COBL: variants seen among roughly 807,000 people sequenced by gnomAD.
The protein encoded by COBL is protein cordon-bleu.
Under a neutral mutation model 98.8 loss-of-function variants are expected in COBL, and 51 were observed. That is an observed-to-expected ratio of 0.52 (90% CI 0.41 to 0.65). The LOEUF (loss-of-function observed/expected upper bound fraction) is 0.65, where lower values mean the gene tolerates loss of function less well. COBL is among the 30% of genes least tolerant of loss of function. COBL has a pLI of 0.00. For synonymous variants in COBL, 634 were observed against 651.7 expected, an observed-to-expected ratio of 0.97 and a Z score of 0.41; for missense variants, 1,617 against 1,617.5, an observed-to-expected ratio of 1.00 and a Z score of 0.01.
chr7:51,305,907 G>A (rs1056340560), intron 1 of COBL, among the ~76,000 whole-genome samples: 4 of 152,118 alleles, frequency 2.6e-5, no homozygotes, highest in Non-Finnish European at 4.4e-5. Context: ...GTGGTGACAC[G>A]TGCCTGTAAT....
chr7:51,190,800 G>A (rs563381706), intron 4 of COBL, 50 bp downstream of exon 4: 44 of 1,459,862 alleles, frequency 3.0e-5, no homozygotes, highest in African/African-American at 1.4e-4. Flanking sequence ...TGTACACGCC[G>A]CGCATCCGTG....
intron 1 of COBL, among the ~76,000 whole-genome samples, chr7:51,246,361 G>GT (rs1796270481): frequency 6.6e-6 from 1 of 152,196 alleles, no homozygotes; most frequent in African/African-American, 2.4e-5. Flanking sequence ...AGTAAATGCT[G>GT]TTTGTTGTCA....
At chr7:51,233,148 T>G in intron 1 of COBL, among the ~76,000 whole-genome samples, 1 of 152,214 alleles carries the variant, frequency 6.6e-6, no homozygotes, top group Non-Finnish European at 1.5e-5. Flanking sequence ...ATCATGTATT[T>G]GGGGCATAAC....
At chr7:51,280,806 G>A (rs961629301) in intron 1 of COBL, among the ~76,000 whole-genome samples, 3 of 152,170 alleles carry the variant, frequency 2.0e-5, no homozygotes, top group African/African-American at 7.2e-5. Context: ...AGAAACATGA[G>A]AAGATCTGAA....
chr7:51,040,263 C>A (rs1789049487), intron 8 of COBL, among the ~76,000 whole-genome samples: 1 of 150,910 alleles, frequency 6.6e-6, no homozygotes, highest in Admixed American at 6.6e-5. Flanking sequence ...CCCCTCCCCT[C>A]AAAAACACAC....
intron 2 of COBL, among the ~76,000 whole-genome samples, chr7:51,196,242 T>C (rs1440134312): frequency 6.6e-6 from 1 of 152,214 alleles, no homozygotes; most frequent in East Asian, 1.9e-4. Context: ...CTCTTCTGCA[T>C]CTTTTGAAAT....
intron 1 of COBL, among the ~76,000 whole-genome samples, chr7:51,307,588 A>G (rs527692990): frequency 6.6e-6 from 1 of 152,368 alleles, no homozygotes; most frequent in Non-Finnish European, 1.5e-5. Flanking sequence ...ATCATTCTAA[A>G]AATGTGAAAC....
chr7:51,299,658 G>A (rs951429520), intron 1 of COBL, among the ~76,000 whole-genome samples: 11 of 152,292 alleles, frequency 7.2e-5, no homozygotes, highest in Non-Finnish European at 1.0e-4. Context: ...GGGAGAGGCC[G>A]CTGCCAGGCT....
chr7:51,085,551 C>T (rs1258025583), intron 6 of COBL, among the ~76,000 whole-genome samples: 4 of 152,156 alleles, frequency 2.6e-5, no homozygotes, highest in Non-Finnish European at 4.4e-5. Flanking sequence ...ATAGACACCC[C>T]AAAGACCCCT....
At chr7:51,159,210 A>C (rs1786533316) in intron 5 of COBL, among the ~76,000 whole-genome samples, 1 of 152,108 alleles carries the variant, frequency 6.6e-6, no homozygotes, top group Non-Finnish European at 1.5e-5. Flanking sequence ...GGAGGTGGGG[A>C]GGAGGCTTTG....
chr7:51,038,999 G>C (rs1375258922), intron 8 of COBL, among the ~76,000 whole-genome samples: 1 of 73,066 alleles, frequency 1.4e-5, no homozygotes, highest in Non-Finnish European at 2.4e-5. Context: ...CCAGGTATAG[G>C]GGGTCATCCA....
At chr7:51,166,074 A>C (rs767146425) in intron 5 of COBL, among the ~76,000 whole-genome samples, 90 of 152,160 alleles carry the variant, frequency 5.9e-4, no homozygotes, top group Middle Eastern at 3.4e-3. Flanking sequence ...AGCAAGAGCA[A>C]ATCAAACCCA....
rs139353402 is a variant in COBL, at chr7:51,063,909, A to G, written c.1097-20217T>C. ...GCACTTTTTCTTTCAATATGAAGAA[A>G]CTCAGGCACAGAGAAGTTAAGCAAG... On this transcript the variant is annotated intron_variant, in intron 7 of 12. Transcript: ENST00000265136. Among the ~76,000 whole-genome samples, 10 of 152,258 alleles carry G rather than the reference A, an allele frequency of 6.6e-5. No homozygotes were observed. In the East Asian group the frequency reaches 1.9e-3, roughly 29 times the overall value.
chr7:51,030,940 A>C, intron 8 of COBL, 31 bp from the exon 9 acceptor site: 8 of 1,351,880 alleles, frequency 5.9e-6, no homozygotes, highest in Non-Finnish European at 7.4e-6. Flanking sequence ...AGGAGCACTC[A>C]TTTCTCTTAC....
In COBL at chr7:51,250,127, C is replaced by T. The variant is rs537095909; in HGVS notation, c.42-30183G>A. ...AAAAAAAAAAAGAAGAAAGAAAATA[C>T]AGAGTAGACACTCCCTTGACAAACC... On this transcript the variant is annotated intron_variant, in intron 1 of 12. Transcript: ENST00000265136. Among the ~76,000 whole-genome samples, 6 of 151,994 alleles carry T rather than the reference C, an allele frequency of 3.9e-5. No homozygotes were observed. In the South Asian group the frequency reaches 1.2e-3, roughly 32 times the overall value.
At chr7:51,082,659 CTT>C (rs34254780) in intron 7 of COBL, among the ~76,000 whole-genome samples, 15,974 of 152,218 alleles carry the variant, frequency 0.1, 987 homozygotes, top group South Asian at 0.17. Flanking sequence ...CCTCCCAGCT[CTT>C]GAGTGCGATC....
intron 6 of COBL, among the ~76,000 whole-genome samples, chr7:51,121,347 G>C (rs190901697): frequency 6.6e-6 from 1 of 152,260 alleles, no homozygotes; most frequent in African/African-American, 2.4e-5. Context: ...TAAGCCCTTT[G>C]CTCATTTTTT....
At chr7:51,144,098 G>A (rs1222042021) in intron 5 of COBL, among the ~76,000 whole-genome samples, 1 of 152,186 alleles carries the variant, frequency 6.6e-6, no homozygotes, top group African/African-American at 2.4e-5. Context: ...CAGGCTAGCA[G>A]AAGTGTGGTC....
intron 8 of COBL, among the ~76,000 whole-genome samples, chr7:51,038,894 T>A (rs1443167772): frequency 6.6e-6 from 1 of 152,202 alleles, no homozygotes; most frequent in East Asian, 1.9e-4. Context: ...AGAGGGCTCA[T>A]GTCACAGCTA....
Sources: allele counts gnomAD v4.1 joint callset (sites outside exome capture counted in the v4.1 genomes callset), GRCh38; gene constraint gnomAD v4.1.1; transcripts MANE v1.5; gene names NCBI Gene and HGNC (gene_info 2026-07-23, HGNC 2026-07-21).